Variants in TESC observed in about 807,000 individuals in gnomAD.
TESC encodes calcineurin B homologous protein 3.
A neutral mutation model predicts 31.0 loss-of-function variants in TESC; 19 were observed. The observed-to-expected ratio is 0.61, with a 90% confidence interval of 0.43 to 0.90. The LOEUF (loss-of-function observed/expected upper bound fraction) is 0.90, where lower values mean the gene tolerates loss of function less well. Among genes scored for constraint, TESC ranks in the 40% least tolerant of loss-of-function variants. TESC has a pLI of 0.00. For missense variants in TESC, 248 were observed against 303.8 expected (o/e 0.82, Z 1.36); for synonymous variants, 109 against 114.8 (o/e 0.95, Z 0.32).
At chr12:117,042,223 G>A (rs1231346709) in intron 6 of TESC, among the ~76,000 whole-genome samples, 1 of 152,196 alleles carries the variant, frequency 6.6e-6, no homozygotes, top group Admixed American at 6.5e-5. Flanking sequence ...AGGGTGGGAT[G>A]GGAGCCGAGC....
At chr12:117,045,118 G>A (rs1054805461) in intron 6 of TESC, among the ~76,000 whole-genome samples, 40 of 152,314 alleles carry the variant, frequency 2.6e-4, no homozygotes, top group African/African-American at 7.5e-4. Context: ...TCTGGCCGAG[G>A]TTTACACCAG....
At chr12:117,053,134 C>T (rs1425141552) in intron 3 of TESC, among the ~76,000 whole-genome samples, 1 of 152,190 alleles carries the variant, frequency 6.6e-6, no homozygotes, top group Admixed American at 6.5e-5. Flanking sequence ...TCTGGACACC[C>T]GACATTCCCC....
At chr12:117,046,874 C>T (rs985652463) in intron 4 of TESC, 36 bp from the exon 5 acceptor site, 24 of 1,546,242 alleles carry the variant, frequency 1.6e-5, no homozygotes, top group African/African-American at 2.7e-5. Context: ...CTCCGTCAGG[C>T]GGGGCCTGGC....
intron 7 of TESC, among the ~76,000 whole-genome samples, chr12:117,040,948 C>A (rs1954474265): frequency 7.4e-6 from 1 of 135,740 alleles, no homozygotes; most frequent in Non-Finnish European, 1.6e-5. Flanking sequence ...TCTTGCTCCC[C>A]TGACTTCCTT....
chr12:117,084,372 C>T (rs1955188548), intron 1 of TESC, among the ~76,000 whole-genome samples: 1 of 152,114 alleles, frequency 6.6e-6, no homozygotes, highest in Admixed American at 6.6e-5. Context: ...GGAGTCCCAC[C>T]CTGTCGAAGG....
At chr12:117,057,367 T>A (rs970284054) in intron 2 of TESC, among the ~76,000 whole-genome samples, 1 of 152,224 alleles carries the variant, frequency 6.6e-6, no homozygotes. Flanking sequence ...CCCAAAGTGC[T>A]GGAGTTACAG....
intron 1 of TESC, among the ~76,000 whole-genome samples, chr12:117,095,068 T>C (rs1044529350): frequency 2.0e-5 from 3 of 151,648 alleles, no homozygotes; most frequent in South Asian, 2.1e-4. Context: ...GGTTTGAGTT[T>C]GTTTTTTCTT....
intron 7 of TESC, 92 bp downstream of exon 7, chr12:117,041,855 T>C: frequency 7.6e-7 from 1 of 1,324,342 alleles, no homozygotes. Flanking sequence ...TGTCCCTTGC[T>C]ACTGCAGGTA....
intron 3 of TESC, among the ~76,000 whole-genome samples, chr12:117,053,158 C>G (rs11068305): frequency 0.03 from 4,549 of 152,298 alleles, 182 homozygotes; most frequent in South Asian, 0.12. Context: ...GACTGAGGTC[C>G]CTGCCCCCTC....
At chr12:117,051,085 C>T (rs1305006918) in intron 3 of TESC, among the ~76,000 whole-genome samples, 1 of 152,178 alleles carries the variant, frequency 6.6e-6, no homozygotes, top group Non-Finnish European at 1.5e-5. Flanking sequence ...CACAGCCTCT[C>T]ACTGTGGCCC....
intron 4 of TESC, among the ~76,000 whole-genome samples, chr12:117,047,289 C>T (rs1044566076): frequency 6.6e-6 from 1 of 152,218 alleles, no homozygotes; most frequent in Non-Finnish European, 1.5e-5. Flanking sequence ...GATCTGGGCC[C>T]GACTGATCTA....
intron 1 of TESC, among the ~76,000 whole-genome samples, chr12:117,079,717 G>A (rs1364614079): frequency 6.6e-6 from 1 of 152,150 alleles, no homozygotes; most frequent in Non-Finnish European, 1.5e-5. Flanking sequence ...GCCAGGGAGG[G>A]GAGGGGCTGG....
chr12:117,075,939 ATG>A (rs1213149673), intron 1 of TESC, among the ~76,000 whole-genome samples: 35 of 103,924 alleles, frequency 3.4e-4, no homozygotes, highest in East Asian at 4.6e-4. Context: ...ATATATATAT[ATG>A]TATATATACA....
intron 2 of TESC, among the ~76,000 whole-genome samples, chr12:117,063,345 CCAGCCCT>C (rs1954825262): frequency 6.6e-6 from 1 of 152,136 alleles, no homozygotes; most frequent in African/African-American, 2.4e-5. Context: ...CACCCAGCCC[CCAGCCCT>C]CAGCCCAAGA....
chr12:117,043,449 G>T (rs144529606), intron 6 of TESC, among the ~76,000 whole-genome samples: 4 of 127,494 alleles, frequency 3.1e-5, no homozygotes, highest in African/African-American at 1.3e-4. Flanking sequence ...GTATTGTTTT[G>T]TTTTCATTTG....
intron 2 of TESC, among the ~76,000 whole-genome samples, chr12:117,069,520 G>A (rs191954470): frequency 8.3e-4 from 124 of 149,060 alleles, no homozygotes; most frequent in African/African-American, 3.0e-3. Flanking sequence ...ATTACAGAGT[G>A]AGCCACTGCG....
At chr12:117,081,318 T>A (rs920213915) in intron 1 of TESC, among the ~76,000 whole-genome samples, 87 of 152,354 alleles carry the variant, frequency 5.7e-4, no homozygotes, top group African/African-American at 1.9e-3. Context: ...TGATCATTTT[T>A]AAATATAATG....
intron 1 of TESC, among the ~76,000 whole-genome samples, chr12:117,082,153 GA>G (rs1955157490): frequency 6.6e-6 from 1 of 152,032 alleles, no homozygotes; most frequent in Admixed American, 6.6e-5. Context: ...AGGTTGCAGT[GA>G]GCCAAGATTG....
At chr12:117,090,688 C>T (rs1955293914) in intron 1 of TESC, among the ~76,000 whole-genome samples, 1 of 152,176 alleles carries the variant, frequency 6.6e-6, no homozygotes, top group Non-Finnish European at 1.5e-5. Flanking sequence ...TGGTGAGAAG[C>T]CACCTGTGTG....
Sources: gnomAD v4.1 joint callset for allele counts (sites outside exome capture counted in the v4.1 genomes callset) on GRCh38, gnomAD v4.1.1 for gene constraint, MANE v1.5 for transcripts, NCBI Gene and HGNC (gene_info 2026-07-23, HGNC 2026-07-21) for gene names.